Variants in SLC35F3 observed in about 807,000 individuals in gnomAD.
SLC35F3 encodes putative thiamine transporter SLC35F3.
A neutral mutation model predicts 49.9 loss-of-function variants in SLC35F3; 25 were observed. The observed-to-expected ratio is 0.50, with a 90% confidence interval of 0.37 to 0.70. SLC35F3 has a LOEUF of 0.70. Ranked by LOEUF, SLC35F3 falls within the 30% of genes least tolerant of loss-of-function variation. SLC35F3 has a pLI of 0.00. For missense variants in SLC35F3, 525 were observed against 639.8 expected, an observed-to-expected ratio of 0.82 and a Z score of 1.94; for synonymous variants, 275 against 265.4, an observed-to-expected ratio of 1.04 and a Z score of -0.35.
At chr1:233,993,576 C>G (rs1663402073) in intron 2 of SLC35F3, among the ~76,000 whole-genome samples, 1 of 152,188 alleles carries the variant, frequency 6.6e-6, no homozygotes, top group East Asian at 1.9e-4. Flanking sequence ...TTGAGGGGCT[C>G]TCTGCTCTAA....
intron 2 of SLC35F3, among the ~76,000 whole-genome samples, chr1:233,922,364 G>GT (rs1174667204): frequency 6.6e-6 from 1 of 151,784 alleles, no homozygotes; most frequent in Admixed American, 6.6e-5. Flanking sequence ...TCTCATTGTG[G>GT]TTTTGATTTG....
chr1:234,008,377 C>G (rs114504347), intron 2 of SLC35F3, among the ~76,000 whole-genome samples: 3,793 of 152,304 alleles, frequency 0.025, 147 homozygotes, highest in African/African-American at 0.081. Flanking sequence ...TGTGTTAGGA[C>G]TGTATGCTCT....
chr1:234,142,509 G>C (rs1665932546), intron 2 of SLC35F3, among the ~76,000 whole-genome samples: 1 of 152,180 alleles, frequency 6.6e-6, no homozygotes, highest in Non-Finnish European at 1.5e-5. Flanking sequence ...AGAGCAGCCT[G>C]TTGGAATTAG....
chr1:234,203,525 A>G (rs1666929565), intron 2 of SLC35F3, among the ~76,000 whole-genome samples: 1 of 152,192 alleles, frequency 6.6e-6, no homozygotes, highest in Non-Finnish European at 1.5e-5. Context: ...AGCCTGACCA[A>G]TATGGTGAAA....
intron 2 of SLC35F3, among the ~76,000 whole-genome samples, chr1:233,914,372 C>A (rs912100804): frequency 5.9e-5 from 9 of 152,136 alleles, no homozygotes; most frequent in African/African-American, 2.2e-4. Flanking sequence ...GTGGTGGTTT[C>A]CAGGACTCCA....
chr1:234,074,922 A>C (rs950408684), intron 2 of SLC35F3, among the ~76,000 whole-genome samples: 2 of 152,222 alleles, frequency 1.3e-5, no homozygotes, highest in African/African-American at 4.8e-5. Context: ...TGAAATAAGG[A>C]AAGTCAACTA....
At chr1:234,117,697 TA>T (rs1665509537) in intron 2 of SLC35F3, among the ~76,000 whole-genome samples, 1 of 150,888 alleles carries the variant, frequency 6.6e-6, no homozygotes. Flanking sequence ...CCATCCTGGC[TA>T]ACATGGTGAA....
rs533568075 is a variant in SLC35F3 at position 234,175,062 on chromosome 1, G to A, written c.284-56355G>A. The stretch of plus-strand genomic sequence containing the variant: ...ATCCTATATTTTTTAGAGATCTTCC[G>A]TGAATTTTAGAATTTGCTTAGGCTC... On this transcript the variant is annotated intron_variant, in intron 2 of 7. Coordinates refer to ENST00000366618, the MANE Select transcript of SLC35F3 (RefSeq NM_173508.4). Among the ~76,000 whole-genome samples the A allele has an allele frequency of 6.6e-5, 10 of 152,284 alleles. No homozygotes were observed. The East Asian group carries it at 1.7e-3, about 26-fold the overall frequency.
chr1:233,905,649 C>T lies in SLC35F3; in HGVS notation c.174C>T (p.Arg58=), dbSNP rs747727450. Residue 58 remains arginine, a synonymous_variant, in exon 2 of 8, where the codon CGC becomes CGT. Coordinates refer to ENST00000366618, the MANE Select transcript of SLC35F3 (RefSeq NM_173508.4). The part of the protein sequence containing the change: ...EAIKEDLKWS[R]SVEDLTSGPV... ...TTAAGGAGGATCTGAAATGGTCGCG[C>T]TCCGTGGAGGATCTCACCAGCGGGC... 1.9e-6 allele frequency: 3 copies of T among 1,614,076 alleles called. No homozygotes were observed. Among genetic ancestry groups the T allele is most frequent in the African/African-American group, 2.7e-5 (2 of 74,954 alleles).
intron 4 of SLC35F3, among the ~76,000 whole-genome samples, chr1:234,312,959 C>T (rs1657395756): frequency 6.6e-6 from 1 of 152,048 alleles, no homozygotes; most frequent in Admixed American, 6.5e-5. Flanking sequence ...TCACTGCAGC[C>T]TCAACCTTCT....
At chr1:234,073,447 C>CT (rs1206968518) in intron 2 of SLC35F3, among the ~76,000 whole-genome samples, 1 of 152,188 alleles carries the variant, frequency 6.6e-6, no homozygotes, top group African/African-American at 2.4e-5. Context: ...GCCCAGTCCC[C>CT]TATCTTCTAT....
intron 3 of SLC35F3, among the ~76,000 whole-genome samples, chr1:234,271,417 C>A (rs544693932): frequency 5.2e-4 from 79 of 152,168 alleles, no homozygotes; most frequent in Non-Finnish European, 6.2e-4. Context: ...CTTGTGGAAA[C>A]TAGTAATACA....
At chr1:234,280,072 A>C (rs1032380658) in intron 3 of SLC35F3, among the ~76,000 whole-genome samples, 4 of 152,178 alleles carry the variant, frequency 2.6e-5, no homozygotes, top group Non-Finnish European at 5.9e-5. Context: ...TTTGATCCTC[A>C]CACAAGAGCC....
chr1:234,217,431 A>C (rs2102943312), intron 2 of SLC35F3, among the ~76,000 whole-genome samples: 1 of 152,368 alleles, frequency 6.6e-6, no homozygotes, highest in African/African-American at 2.4e-5. Flanking sequence ...AGACATACAG[A>C]TAGATAGATA....
At chr1:233,931,404 T>A (rs945164245) in intron 2 of SLC35F3, among the ~76,000 whole-genome samples, 3 of 152,092 alleles carry the variant, frequency 2.0e-5, no homozygotes, top group Admixed American at 6.6e-5. Flanking sequence ...AAAGGGCAAA[T>A]ACCCAGAATC....
chr1:234,164,905 A>T (rs1372950628), intron 2 of SLC35F3, among the ~76,000 whole-genome samples: 2 of 152,164 alleles, frequency 1.3e-5, no homozygotes, highest in African/African-American at 4.8e-5. Flanking sequence ...TATTGTCTGT[A>T]AACAGACAAG....
At chr1:233,954,615 A>T (rs1269569947) in intron 2 of SLC35F3, among the ~76,000 whole-genome samples, 1 of 152,238 alleles carries the variant, frequency 6.6e-6, no homozygotes, top group Non-Finnish European at 1.5e-5. Context: ...AGTACCTGGC[A>T]TAGGAGTCGC....
intron 2 of SLC35F3, among the ~76,000 whole-genome samples, chr1:234,228,253 C>T (rs1558266763): frequency 6.6e-6 from 1 of 152,182 alleles, no homozygotes. Flanking sequence ...AACTTTGCTC[C>T]TATTTTACTT....
intron 2 of SLC35F3, among the ~76,000 whole-genome samples, chr1:234,165,154 T>C (rs1048875766): frequency 6.6e-6 from 1 of 152,116 alleles, no homozygotes; most frequent in Admixed American, 6.6e-5. Flanking sequence ...ATATATAGCG[T>C]ATATATAGCA....
Sources: gnomAD v4.1 joint callset for allele counts (sites outside exome capture counted in the v4.1 genomes callset) on GRCh38, gnomAD v4.1.1 for gene constraint, MANE v1.5 for transcripts, NCBI Gene and HGNC (gene_info 2026-07-23, HGNC 2026-07-21) for gene names.